SMTN: variants seen among roughly 807,000 people sequenced by gnomAD.
SMTN encodes smoothelin.
In SMTN, 58 loss-of-function variants were observed where a neutral mutation model predicts 102.0. The ratio of observed to expected loss-of-function variants is 0.57; its 90% CI spans 0.46 to 0.71. The LOEUF (loss-of-function observed/expected upper bound fraction) is 0.71. Among genes scored for constraint, SMTN ranks in the 30% least tolerant of loss-of-function variants. The probability of loss-of-function intolerance (pLI) is 0.00; values close to 1 mark genes in which losing one functional copy is unlikely to be tolerated. For missense variants in SMTN, 1,185 were observed against 1,241.7 expected (o/e 0.95, Z 0.69); for synonymous variants, 478 against 497.9 (o/e 0.96, Z 0.53).
chr22:31,103,633 G>GA (rs1181245494), intron 20 of SMTN: 1 of 152,472 alleles, frequency 6.6e-6, no homozygotes, highest in Non-Finnish European at 1.5e-5. Context: ...TGGTCCCCCC[G>GA]AGCATGGCAT....
chr22:31,098,582 A>ACC (rs33991833), intron 16 of SMTN, 85 bp from the exon 17 acceptor site: 57,941 of 1,297,244 alleles, frequency 0.045, 1,260 homozygotes, highest in Middle Eastern at 0.094. Flanking sequence ...GTGCTACAAG[A>ACC]CCCCCCCTCC....
At chr22:31,089,401 G>C (rs2042947603) in intron 6 of SMTN, among the ~76,000 whole-genome samples, 2 of 152,178 alleles carry the variant, frequency 1.3e-5, no homozygotes, top group African/African-American at 4.8e-5. Flanking sequence ...TCCACTCCAG[G>C]GATCTATTAA....
chr22:31,092,343 G>A, intron 11 of SMTN: 1 of 435,032 alleles, frequency 2.3e-6, no homozygotes, highest in Non-Finnish European at 4.9e-6. Context: ...TCCCTGTGGG[G>A]GTTGGGCAGA....
intron 2 of SMTN, chr22:31,085,016 A>G (rs889011153): frequency 6.0e-6 from 9 of 1,495,086 alleles, no homozygotes; most frequent in Non-Finnish European, 8.0e-6. Context: ...CGATTTGGGG[A>G]CGCGGGCAGT....
At chr22:31,065,994 C>T (rs543855992) in intron 1 of SMTN, 3 of 152,534 alleles carry the variant, frequency 2.0e-5, no homozygotes, top group African/African-American at 7.2e-5. Context: ...CTTTTCCTTC[C>T]TGCCTGTGTT....
rs776042468 is a variant in SMTN at position 31,099,916 on chromosome 22, C to G, written c.2603+20C>G. On this transcript the variant is annotated intron_variant, in intron 19 of 20. Transcript: ENST00000333137. ...TGCGGAGTAAGTGTGGGCCCTGGCC[C>G]TGCTAATGTTGCTGCACATCTGGGG... 2.5e-6 allele frequency: 4 copies of G among 1,610,992 alleles called. No individual in the cohort carries two copies. Among genetic ancestry groups the G allele is most frequent in the Non-Finnish European group, 3.4e-6 (4 of 1,177,804 alleles).
rs753450122 is a variant in SMTN at position 31,089,746 on chromosome 22, A to G, written c.519A>G (p.Pro173=). ...EQEQQAEVSK[P]TPTPEGTSQD... ...AACAGCAGGCAGAGGTTTCAAAGCCAACCCCCACCCCTGAAGGCACCAGCC... is the reference window on the plus strand; with the variant it reads ...AACAGCAGGCAGAGGTTTCAAAGCCGACCCCCACCCCTGAAGGCACCAGCC... Residue 173 remains proline (P), a synonymous_variant, in exon 7 of 21, where the codon CCA becomes CCG. Coordinates refer to ENST00000333137, the MANE Select transcript of SMTN (RefSeq NM_134269.3). The G allele has an allele frequency of 1.2e-6, 2 of 1,609,504 alleles. No individual in the cohort carries two copies. The highest frequency in any genetic ancestry group is 1.7e-6 in the Non-Finnish European group (2 of 1,179,736).
At chr22:31,071,640 TA>T (rs1194723656) in intron 1 of SMTN, among the ~76,000 whole-genome samples, 3 of 150,048 alleles carry the variant, frequency 2.0e-5, no homozygotes, top group African/African-American at 4.9e-5. Context: ...CTTAATTAAT[TA>T]AAAAAAATTC....
intron 1 of SMTN, among the ~76,000 whole-genome samples, chr22:31,072,613 C>G (rs1288389120): frequency 1.3e-5 from 2 of 152,140 alleles, no homozygotes; most frequent in Non-Finnish European, 2.9e-5. Context: ...AGGTGCCCGC[C>G]ACCACGCCTG....
intron 2 of SMTN, among the ~76,000 whole-genome samples, chr22:31,087,618 CCTA>C (rs1245311611): frequency 3.9e-5 from 6 of 152,238 alleles, no homozygotes; most frequent in Non-Finnish European, 8.8e-5. Flanking sequence ...CCCTCCTCCT[CCTA>C]CAATAGCTCC....
chr22:31,074,500 G>T (rs369963054), intron 1 of SMTN, among the ~76,000 whole-genome samples: 9 of 150,190 alleles, frequency 6.0e-5, no homozygotes, highest in African/African-American at 2.0e-4. Context: ...CTATAAAACA[G>T]GTGCTGGGGC....
upstream of SMTN, among the ~76,000 whole-genome samples, chr22:31,077,631 G>T (rs905444006): frequency 1.3e-5 from 2 of 152,102 alleles, no homozygotes; most frequent in Non-Finnish European, 2.9e-5. Context: ...ACTCCCAGAA[G>T]TCTAAAGAGG....
chr22:31,073,488 TC>T (rs2042057134), intron 1 of SMTN, among the ~76,000 whole-genome samples: 1 of 152,148 alleles, frequency 6.6e-6, no homozygotes, highest in Non-Finnish European at 1.5e-5. Flanking sequence ...ATTTTCTGAT[TC>T]CCTTTCCACA....
At chr22:31,086,631 A>G (rs2042723708) in intron 2 of SMTN, among the ~76,000 whole-genome samples, 1 of 152,212 alleles carries the variant, frequency 6.6e-6, no homozygotes, top group East Asian at 1.9e-4. Context: ...ACCCACTGGC[A>G]AATGAAAAAA....
At chr22:31,098,549 T>C (rs1051861196) in intron 16 of SMTN, 118 bp from the exon 17 acceptor site, 3 of 946,862 alleles carry the variant, frequency 3.2e-6, no homozygotes, top group Non-Finnish European at 4.7e-6. Context: ...CTGGCAGGCG[T>C]TTGTGGCAGT....
chr22:31,094,162 C>T (rs1345286401), intron 11 of SMTN, among the ~76,000 whole-genome samples: 1 of 152,244 alleles, frequency 6.6e-6, no homozygotes, highest in Non-Finnish European at 1.5e-5. Flanking sequence ...GCCACCTCAG[C>T]TCTCCTTACC....
intron 19 of SMTN, among the ~76,000 whole-genome samples, chr22:31,100,097 A>T (rs2043951872): frequency 6.7e-6 from 1 of 148,622 alleles, no homozygotes. Context: ...CGCCGGAACG[A>T]AGGAGCCGCA....
In SMTN at chr22:31,091,407, A is replaced by G; in HGVS notation, c.1384A>G (p.Thr462Ala). 6.3e-7 allele frequency: 1 copy of G among 1,575,596 alleles called. No individual in the cohort carries two copies. Residue 462 changes from threonine to alanine, a missense_variant, in exon 10 of 21, where the codon ACC (threonine) becomes GCC (alanine). Thr to Ala is a moderately conservative substitution (Grantham distance 58, BLOSUM62 0). This residue lies in a region of SMTN where 1,096 missense variants were observed against 1,112.7 expected (regional missense o/e 0.98). Transcript: ENST00000333137. ...AGGGGGCAGTATGAAGACCACATTC[A>G]CCATCGAGATCAAGGACGGCCGTGG... ...EPGGSMKTTF[T>A]IEIKDGRGQA...
chr22:31,068,414 T>C (rs1181332207), intron 1 of SMTN: 3 of 152,096 alleles, frequency 2.0e-5, no homozygotes, highest in African/African-American at 7.2e-5. Context: ...GGATTCCTCA[T>C]TGCCTGCTCC....
Sources: gnomAD v4.1 joint callset for allele counts (sites outside exome capture counted in the v4.1 genomes callset) on GRCh38, gnomAD v4.1.1 for gene constraint, gnomAD v4.1.1 regional missense constraint, MANE v1.5 for transcripts, NCBI Gene and HGNC (gene_info 2026-07-23, HGNC 2026-07-21) for gene names.